PSMD10: variants seen among roughly 807,000 people sequenced by gnomAD.
PSMD10 encodes proteasome 26S subunit, non-ATPase 10.
Under a neutral mutation model 13.2 loss-of-function variants are expected in PSMD10, and 2 were observed. The observed-to-expected ratio is 0.15, with a 90% CI of 0.06 to 0.48. The LOEUF is 0.48. Ranked by LOEUF, PSMD10 falls within the 20% of genes least tolerant of loss-of-function variation. PSMD10 has a pLI of 0.97. For synonymous variants in PSMD10, 66 were observed against 64.4 expected, an observed-to-expected ratio of 1.03 and a Z score of -0.12; for missense variants, 120 against 167.4, an observed-to-expected ratio of 0.72 and a Z score of 1.56.
At position 108,091,512 on chromosome X, in the gene PSMD10, C is replaced by A. The variant is rs749763253; in HGVS notation, c.9G>T (p.Gly3=). 6.6e-6 allele frequency: 8 copies of A among 1,209,680 alleles called. No individual in the cohort carries two copies. Among genetic ancestry groups the A allele is most frequent in the Middle Eastern group, 2.3e-4 (1 of 4,371 alleles). ...TGCAGACCATTAGGTTAGACACACA[C>A]CCCTCCATTTCGCTGTCCCAGCAAC... ME[G]CVSNLMVCNL... The change falls in exon 1 of 5, where the codon GGG becomes GGT. Residue 3 remains glycine, a synonymous_variant. Coordinates refer to ENST00000217958, the MANE Select transcript of PSMD10 (RefSeq NM_002814.4).
chrX:108,087,746 T>G lies in PSMD10; in HGVS notation c.467A>C (p.His156Pro), dbSNP rs1278311808. 1 of 1,211,800 alleles carries G rather than the reference T, an allele frequency of 8.3e-7. No individual in the cohort carries two copies. The highest frequency in any genetic ancestry group is 1.1e-6 in the Non-Finnish European group (1 of 895,495). Residue 156 changes from histidine to proline, a missense_variant, in exon 4 of 5, where the codon CAT becomes CCT. Physicochemically the swap from His to Pro is moderately conservative, Grantham distance 77. Transcript: ENST00000217958. ...GGATGCTTTGTAGTACAGAAGGATA[T>G]GAATCATCTTCAAGTTACCCTTGGC... is the stretch of plus-strand genomic sequence containing the variant. The part of the protein sequence containing the change: ...AAAKGNLKMI[H>P]ILLYYKASTN...
At chrX:108,091,281 G>T in intron 1 of PSMD10, 126 bp downstream of exon 1, 1 of 608,193 alleles carries the variant, frequency 1.6e-6, no homozygotes, top group Non-Finnish European at 2.7e-6. Context: ...CAGGGGGACT[G>T]CTTGGGGCGG....
chrX:108,085,000 T>A lies in PSMD10; in HGVS notation c.655A>T (p.Ile219Leu), dbSNP rs779628491. 21 of 1,205,905 alleles carry A rather than the reference T, an allele frequency of 1.7e-5. No homozygotes were observed. In the East Asian group the frequency reaches 6.3e-4, roughly 36 times the overall value. Reference protein sequence around the residue: ...LQVAKGGLGLILKRMVEG With the variant: ...LQVAKGGLGLLLKRMVEG ...TAACCTTCCACCATTCTCTTGAGTATTAAACCCAGGCCACCTTTGGCCACT... is the reference window on the plus strand; with the variant it reads ...TAACCTTCCACCATTCTCTTGAGTAATAAACCCAGGCCACCTTTGGCCACT... The change falls in exon 5 of 5, where the codon ATA becomes TTA. Residue 219 changes from isoleucine (I) to leucine (L), a missense_variant. Coordinates refer to ENST00000217958, the MANE Select transcript of PSMD10 (RefSeq NM_002814.4).
At chrX:108,090,493 C>A (rs1168874792) in intron 1 of PSMD10, among the ~76,000 whole-genome samples, 3 of 111,524 alleles carry the variant, frequency 2.7e-5, no homozygotes, top group African/African-American at 9.8e-5. Context: ...ATGAAGTAAA[C>A]CAGGTAAAGA....
rs752778076 is a variant in PSMD10 at position 108,087,950 on chromosome X, T to C, written c.360+3A>G. ...ACAGAAGTAGCCTAGGATGGAACCA[T>C]ACCTCATGCCTGTTTTTCGAAGCTG... On this transcript the variant is annotated splice_donor_region_variant and intron_variant, in intron 3 of 4. Coordinates refer to ENST00000217958, the MANE Select transcript of PSMD10 (RefSeq NM_002814.4). 5.0e-6 allele frequency: 6 copies of C among 1,210,245 alleles called. No homozygotes were observed. The Admixed American group carries it at 6.6e-5, about 13-fold the overall frequency.
At position 108,087,849 on chromosome X, in the gene PSMD10, C is replaced by G. The variant is rs749312942; in HGVS notation, c.364G>C (p.Ala122Pro). The G allele has an allele frequency of 1.7e-6, 2 of 1,210,849 alleles. No homozygotes were observed. The highest frequency in any genetic ancestry group is 2.2e-6 in the Non-Finnish European group (2 of 894,810). The change falls in exon 4 of 5, where the codon GCT (alanine) becomes CCT (proline). Residue 122 changes from alanine (A) to proline (P), a missense_variant. Ala to Pro is a conservative substitution (Grantham distance 27, BLOSUM62 -1). Around this residue, in one of 3 missense-constraint regions of PSMD10, gnomAD observed 68 missense variants for 124.8 expected, o/e 0.54. Transcript: ENST00000217958. ...YAASKNRHEI[A>P]VMLLEGGANP... is the part of the protein sequence containing the mutation. ...GCCCCGCCTTCCAGTAACATGACAGCGATCTGGAAAGATGGAGAAGAAAGA... is the reference window on the plus strand; with the variant it reads ...GCCCCGCCTTCCAGTAACATGACAGGGATCTGGAAAGATGGAGAAGAAAGA...
rs2031616283 is a variant in PSMD10 at position 108,091,457 on chromosome X, A to G, written c.64T>C (p.Leu22=). 1 of 1,211,289 alleles carries G rather than the reference A, an allele frequency of 8.3e-7. No homozygotes were observed. Among genetic ancestry groups the G allele is most frequent in the South Asian group, 1.8e-5 (1 of 56,965 alleles). The part of the protein sequence containing the change: ...NLAYSGKLEE[L]KESILADKSL... ...TTATCGGCCAGAATACTCTCCTTCA[A>G]CTCTTCCAGCTTCCCGCTGTAGGCC... is the stretch of plus-strand genomic sequence containing the variant. The change falls in exon 1 of 5, where the codon TTG becomes CTG. Residue 22 remains leucine, a synonymous_variant. Transcript: ENST00000217958.
chrX:108,091,449 C>G lies in PSMD10; in HGVS notation c.72G>C (p.Glu24Asp). ...AYSGKLEELK[E>D]SILADKSLAT... Reference sequence around the variant, plus strand: ...CCAGGGATTTATCGGCCAGAATACTCTCCTTCAACTCTTCCAGCTTCCCGC... The same window carrying G: ...CCAGGGATTTATCGGCCAGAATACTGTCCTTCAACTCTTCCAGCTTCCCGC... Residue 24 changes from glutamate to aspartate, a missense_variant, in exon 1 of 5, where the codon GAG (glutamate) becomes GAC (aspartate). By Grantham distance (45) the Glu-to-Asp change is conservative. Around this residue, in one of 3 missense-constraint regions of PSMD10, gnomAD observed 32 missense variants for 26.2 expected, o/e 1.22. Coordinates refer to ENST00000217958, the MANE Select transcript of PSMD10 (RefSeq NM_002814.4). 2.5e-6 allele frequency: 3 copies of G among 1,212,434 alleles called. No individual in the cohort carries two copies. The highest frequency in any genetic ancestry group is 4.6e-4 in the Middle Eastern group (2 of 4,352).
chrX:108,089,017 G>C (rs770697665), intron 1 of PSMD10, among the ~76,000 whole-genome samples, 167 bp from the exon 2 acceptor site: 1 of 112,440 alleles, frequency 8.9e-6, no homozygotes, highest in East Asian at 2.8e-4. Flanking sequence ...GACAGATGAA[G>C]GTTTAAGTAA....
At chrX:108,090,259 G>A (rs776506856) in intron 1 of PSMD10, among the ~76,000 whole-genome samples, 8 of 111,743 alleles carry the variant, frequency 7.2e-5, no homozygotes, top group Non-Finnish European at 1.3e-4. Flanking sequence ...GCCCCCAACT[G>A]TCTCCCAAAT....
At chrX:108,086,551 G>A (rs1304518166) in intron 4 of PSMD10, among the ~76,000 whole-genome samples, 1 of 111,146 alleles carries the variant, frequency 9.0e-6, no homozygotes, top group Non-Finnish European at 1.9e-5. Flanking sequence ...CAAATCAAGA[G>A]CACTTAAAAC....
chrX:108,090,611 TG>T (rs761510891), intron 1 of PSMD10, among the ~76,000 whole-genome samples: 199 of 112,035 alleles, frequency 1.8e-3, no homozygotes, highest in Non-Finnish European at 3.1e-3. Context: ...TCTGTAAGTA[TG>T]GGACAGTCTC....
rs756485899 is a variant in PSMD10, at chrX:108,091,495, A to T, written c.26T>A (p.Met9Lys). 8.3e-7 allele frequency: 1 copy of T among 1,211,936 alleles called. No individual in the cohort carries two copies. Among genetic ancestry groups the T allele is most frequent in the Non-Finnish European group, 1.1e-6 (1 of 895,268 alleles). ...CCCGCTGTAGGCCAGGTTGCAGACCATTAGGTTAGACACACACCCCTCCAT... is the reference window on the plus strand; with the variant it reads ...CCCGCTGTAGGCCAGGTTGCAGACCTTTAGGTTAGACACACACCCCTCCAT... Reference protein sequence around the residue: MEGCVSNLMVCNLAYSGKL... With the variant: MEGCVSNLKVCNLAYSGKL... The change falls in exon 1 of 5, where the codon ATG becomes AAG. Residue 9 changes from methionine to lysine, a missense_variant. Physicochemically the swap from Met to Lys is moderately conservative, Grantham distance 95. Transcript: ENST00000217958.
Position 108,084,605 on chromosome X carries a change from A to C in PSMD10, c.*369T>G, listed in dbSNP as rs1175442049. ...GAGGAACATTACAGAATCCACATAG[A>C]AACATCTGGCAGAACAACTAGCTTG... On this transcript the variant is annotated 3_prime_UTR_variant, in exon 5 of 5. Transcript: ENST00000217958. The C allele has an allele frequency of 7.9e-6, 1 of 125,866 alleles. No homozygotes were observed. Among genetic ancestry groups the C allele is most frequent in the Non-Finnish European group, 1.6e-5 (1 of 62,017 alleles). 10.4% of individuals were successfully genotyped at this position (125,866 alleles called of 1,213,427 possible).
chrX:108,089,821 G>A (rs1041389460), intron 1 of PSMD10, among the ~76,000 whole-genome samples: 7 of 111,148 alleles, frequency 6.3e-5, no homozygotes, highest in Admixed American at 9.5e-5. Context: ...CAACAAGAGC[G>A]AAACTCTGTT....
chrX:108,091,479 G>C lies in PSMD10; in HGVS notation c.42C>G (p.Ala14=). ...TCAACTCTTCCAGCTTCCCGCTGTA[G>C]GCCAGGTTGCAGACCATTAGGTTAG... ...CVSNLMVCNL[A]YSGKLEELKE... is the part of the protein sequence containing the mutation. The change falls in exon 1 of 5, where the codon GCC becomes GCG. Residue 14 remains alanine, a synonymous_variant. Transcript: ENST00000217958. 1 of 1,212,370 alleles carries C rather than the reference G, an allele frequency of 8.2e-7. No individual in the cohort carries two copies. Among genetic ancestry groups the C allele is most frequent in the East Asian group, 3.0e-5 (1 of 33,871 alleles).
chrX:108,085,608 T>C (rs2031487891), intron 4 of PSMD10, among the ~76,000 whole-genome samples: 2 of 112,200 alleles, frequency 1.8e-5, no homozygotes, highest in Admixed American at 1.9e-4. Flanking sequence ...ACAGTTGAAA[T>C]GGTGACAGAG....
Position 108,084,927 on chromosome X carries a change from C to T in PSMD10, c.*47G>A. The T allele has an allele frequency of 8.9e-7, 1 of 1,129,221 alleles. No homozygotes were observed. The highest frequency in any genetic ancestry group is 1.2e-6 in the Non-Finnish European group (1 of 851,123). The allele number at this position is 1,129,221 out of a possible 1,213,427, so 93.1% of individuals were successfully genotyped here. A position where few individuals can be genotyped will look rare whatever the true frequency, so the allele number is the denominator to read the frequency against. ...CACAAATACATTAGTTTGTAGGACA[C>T]TGGGGACAACAACACAACATACAAA... On this transcript the variant is annotated 3_prime_UTR_variant, in exon 5 of 5. Coordinates refer to ENST00000217958, the MANE Select transcript of PSMD10 (RefSeq NM_002814.4).
chrX:108,086,567 G>GA (rs1353846616), intron 4 of PSMD10, among the ~76,000 whole-genome samples: 1 of 111,334 alleles, frequency 9.0e-6, no homozygotes, highest in Non-Finnish European at 1.9e-5. Context: ...AAAACCCAGT[G>GA]AAAATAAATT....
Sources: gnomAD v4.1 joint callset for allele counts (sites outside exome capture counted in the v4.1 genomes callset) on GRCh38, gnomAD v4.1.1 for gene constraint, gnomAD v4.1.1 regional missense constraint, MANE v1.5 for transcripts, NCBI Gene and HGNC (gene_info 2026-07-23, HGNC 2026-07-21) for gene names.